RSF1: variants seen among roughly 807,000 people sequenced by gnomAD.
RSF1 encodes remodeling and spacing factor 1.
A neutral mutation model predicts 145.2 loss-of-function variants in RSF1; 13 were observed. The observed-to-expected ratio is 0.09, with a 90% confidence interval of 0.06 to 0.14. RSF1 has a LOEUF of 0.14. Among genes scored for constraint, RSF1 ranks in the 10% least tolerant of loss-of-function variants. RSF1 has a pLI of 1.00. For synonymous variants in RSF1, 577 were observed against 592.6 expected (o/e 0.97, Z 0.38); for missense variants, 1,517 against 1,718.2 (o/e 0.88, Z 2.07).
chr11:77,764,774 A>C, intron 1 of RSF1, 85 bp from the exon 2 acceptor site: 6 of 841,316 alleles, frequency 7.1e-6, no homozygotes, highest in Non-Finnish European at 1.1e-5. Context: ...AATCTTCTCC[A>C]ACCCTGGATA....
chr11:77,667,613 C>T (rs1231496935), intron 15 of RSF1, 122 bp from the exon 16 acceptor site: 5 of 821,472 alleles, frequency 6.1e-6, no homozygotes, highest in African/African-American at 3.5e-5. Context: ...TAAATGTTTC[C>T]TTTCAATAAT....
the RSF1 span, among the ~76,000 whole-genome samples, chr11:77,848,036 T>C: frequency 6.6e-6 from 1 of 152,168 alleles, no homozygotes; most frequent in Non-Finnish European, 1.5e-5. Flanking sequence ...CCTACCAACA[T>C]AGGGGAGGGT....
Position 77,747,019 on chromosome 11 carries a change from A to T in RSF1, c.372+17T>A. 1 of 1,479,060 alleles carries T rather than the reference A, an allele frequency of 6.8e-7. No individual in the cohort carries two copies. Among genetic ancestry groups the T allele is most frequent in the Middle Eastern group, 1.7e-4 (1 of 5,744 alleles). 91.6% of individuals were successfully genotyped at this position (1,479,060 alleles called of 1,614,324 possible). ...ATTTTAAATTAAAATAACTGTAACAAATAATAGATTTATTACCTTTAAGAG... is the reference window on the plus strand; with the variant it reads ...ATTTTAAATTAAAATAACTGTAACATATAATAGATTTATTACCTTTAAGAG... On this transcript the variant is annotated intron_variant, in intron 3 of 15. Transcript: ENST00000308488.
At chr11:77,829,135 G>T in the RSF1 span, among the ~76,000 whole-genome samples, 1 of 152,146 alleles carries the variant, frequency 6.6e-6, no homozygotes, top group Non-Finnish European at 1.5e-5. Flanking sequence ...TGTCATGAGG[G>T]TGGGGCCCTA....
intron 10 of RSF1, among the ~76,000 whole-genome samples, chr11:77,684,819 C>T (rs1312276701): frequency 6.6e-6 from 1 of 152,012 alleles, no homozygotes; most frequent in African/African-American, 2.4e-5. Flanking sequence ...GAAACCCCGT[C>T]TGTACTAAAA....
intron 10 of RSF1, among the ~76,000 whole-genome samples, chr11:77,684,465 CTCT>C (rs1231662533): frequency 6.6e-6 from 1 of 152,150 alleles, no homozygotes; most frequent in Non-Finnish European, 1.5e-5. Context: ...TCTCCCCAAA[CTCT>C]TCTTTAGTCA....
chr11:77,786,654 A>G (rs1948459597), intron 1 of RSF1, among the ~76,000 whole-genome samples: 1 of 152,214 alleles, frequency 6.6e-6, no homozygotes, highest in Non-Finnish European at 1.5e-5. Context: ...TAATTCTCCT[A>G]AAACTATAAT....
chr11:77,668,998 A>G (rs1445177051), intron 15 of RSF1, among the ~76,000 whole-genome samples: 1 of 152,170 alleles, frequency 6.6e-6, no homozygotes, highest in Non-Finnish European at 1.5e-5. Context: ...GGATATCTCT[A>G]AACAGGCATC....
At chr11:77,818,653 C>A (rs180722283) in intron 1 of RSF1, among the ~76,000 whole-genome samples, 1 of 152,228 alleles carries the variant, frequency 6.6e-6, no homozygotes, top group East Asian at 1.9e-4. Flanking sequence ...GTGGTGCACA[C>A]CTGTAATCCC....
At chr11:77,726,186 C>A (rs1961050408) in intron 4 of RSF1, among the ~76,000 whole-genome samples, 1 of 152,126 alleles carries the variant, frequency 6.6e-6, no homozygotes, top group Non-Finnish European at 1.5e-5. Context: ...AACATCAGTT[C>A]CAATAACACA....
chr11:77,756,132 C>A (rs1028173375), intron 2 of RSF1, among the ~76,000 whole-genome samples: 1 of 152,078 alleles, frequency 6.6e-6, no homozygotes, highest in African/African-American at 2.4e-5. Flanking sequence ...GCAAGGCGGG[C>A]AGATCACCTG....
chr11:77,692,759 C>A (rs927561787), intron 8 of RSF1, among the ~76,000 whole-genome samples: 32 of 150,956 alleles, frequency 2.1e-4, no homozygotes, highest in African/African-American at 7.8e-4. Flanking sequence ...CTCACTGCAA[C>A]CTCTGTCTCC....
intron 4 of RSF1, among the ~76,000 whole-genome samples, chr11:77,735,402 A>G (rs1236785794): frequency 6.6e-6 from 1 of 152,112 alleles, no homozygotes; most frequent in African/African-American, 2.4e-5. Flanking sequence ...TTTGATGTTT[A>G]ATTTGCAAAG....
chr11:77,841,715 T>G, the RSF1 span, among the ~76,000 whole-genome samples: 1 of 152,186 alleles, frequency 6.6e-6, no homozygotes, highest in African/African-American at 2.4e-5. Context: ...ACTTGGGATA[T>G]GTAGAGAGCT....
intron 2 of RSF1, among the ~76,000 whole-genome samples, chr11:77,756,033 T>G (rs142117863): frequency 2.0e-5 from 3 of 152,262 alleles, no homozygotes; most frequent in Non-Finnish European, 4.4e-5. Flanking sequence ...ATCTTAACAA[T>G]AATTTCTTTA....
chr11:77,737,492 A>AC (rs10676933), intron 4 of RSF1, among the ~76,000 whole-genome samples: 23,722 of 146,400 alleles, frequency 0.16, 2,456 homozygotes, highest in African/African-American at 0.3. Flanking sequence ...AACAACAACA[A>AC]AAAAACGGAA....
At chr11:77,769,069 T>TA (rs1205241050) in intron 1 of RSF1, among the ~76,000 whole-genome samples, 3 of 152,168 alleles carry the variant, frequency 2.0e-5, no homozygotes, top group African/African-American at 7.2e-5. Context: ...CATATATATA[T>TA]TTTTTTGAGA....
chr11:77,671,981 C>G, intron 15 of RSF1, 61 bp downstream of exon 15: 1 of 1,380,868 alleles, frequency 7.2e-7, no homozygotes, highest in Non-Finnish European at 9.9e-7. Flanking sequence ...ATCCTGAGTT[C>G]ACTTTATAAT....
the RSF1 span, among the ~76,000 whole-genome samples, chr11:77,846,062 A>G: frequency 6.6e-6 from 1 of 151,882 alleles, no homozygotes; most frequent in Admixed American, 6.6e-5. Flanking sequence ...AACACCGGAA[A>G]TCAACTCCCC....
Sources: allele counts gnomAD v4.1 joint callset (sites outside exome capture counted in the v4.1 genomes callset), GRCh38; gene constraint gnomAD v4.1.1; transcripts MANE v1.5; gene names NCBI Gene and HGNC (gene_info 2026-07-23, HGNC 2026-07-21).